Variants in FAS observed in about 807,000 individuals in gnomAD.
The protein encoded by FAS is Fas cell surface death receptor, also known as tumor necrosis factor receptor superfamily member 6.
A neutral mutation model predicts 33.2 loss-of-function variants in FAS; 5 were observed. The ratio of observed to expected loss-of-function variants is 0.15; its 90% CI spans 0.08 to 0.32. FAS has a LOEUF of 0.32. Ranked by LOEUF, FAS falls within the 10% of genes least tolerant of loss-of-function variation. The pLI is 1.00. For missense variants in FAS, 339 were observed against 386.0 expected (o/e 0.88, Z 1.02); for synonymous variants, 131 against 130.7 (o/e 1.00, Z -0.01).
At chr10:88,989,641 C>T (rs1739157875), upstream of FAS, 1 of 507,370 alleles carries the variant, frequency 2.0e-6, no homozygotes, top group Non-Finnish European at 3.9e-6. Context: ...GGTAACCTAA[C>T]CTAGATTTGA....
intron 1 of FAS, among the ~76,000 whole-genome samples, chr10:88,971,810 G>A (rs1402859681): frequency 6.6e-6 from 1 of 152,126 alleles, no homozygotes; most frequent in Non-Finnish European, 1.5e-5. Flanking sequence ...TGTTCAGAGG[G>A]TGATGCTCTG....
chr10:88,991,715 G>A (rs1380668301), intron 1 of FAS: 1 of 152,238 alleles, frequency 6.6e-6, no homozygotes, highest in Admixed American at 6.5e-5. Context: ...CACTCCCATG[G>A]TGATTTCTGC....
At chr10:88,994,574 T>G (rs1847468714) in intron 1 of FAS, among the ~76,000 whole-genome samples, 1 of 152,088 alleles carries the variant, frequency 6.6e-6, no homozygotes, top group Non-Finnish European at 1.5e-5. Flanking sequence ...AAAAACTACA[T>G]TTATACTTTA....
At chr10:88,987,763 G>A (rs973373240), upstream of FAS, among the ~76,000 whole-genome samples, 1 of 152,128 alleles carries the variant, frequency 6.6e-6, no homozygotes, top group Non-Finnish European at 1.5e-5. Context: ...CCACTGTGAT[G>A]GTTAATTTTA....
At chr10:89,010,481 A>T in intron 4 of FAS, 58 bp from the exon 5 acceptor site, 1 of 1,472,552 alleles carries the variant, frequency 6.8e-7, no homozygotes, top group South Asian at 1.1e-5. Context: ...TGCCATTGAA[A>T]ATTATAAAGG....
intron 2 of FAS, among the ~76,000 whole-genome samples, chr10:88,976,619 A>G (rs972436791): frequency 2.0e-5 from 3 of 152,236 alleles, no homozygotes; most frequent in Non-Finnish European, 4.4e-5. Flanking sequence ...TGTACCCTGA[A>G]CATAATCAGC....
intron 1 of FAS, among the ~76,000 whole-genome samples, chr10:88,993,054 C>A (rs908350345): frequency 5.9e-5 from 9 of 152,166 alleles, no homozygotes; most frequent in African/African-American, 2.2e-4. Flanking sequence ...CCCCTCTTCC[C>A]CTAGTCCTCT....
chr10:88,969,146 T>A (rs1418728670), intron 1 of FAS, among the ~76,000 whole-genome samples: 1 of 152,134 alleles, frequency 6.6e-6, no homozygotes, highest in Admixed American at 6.6e-5. Flanking sequence ...AGGATCTTGA[T>A]TATTGAGGCA....
chr10:89,003,271 A>G (rs950181427), intron 2 of FAS, 77 bp downstream of exon 2: 3 of 1,550,654 alleles, frequency 1.9e-6, no homozygotes, highest in Non-Finnish European at 2.7e-6. Context: ...TGACTATAAT[A>G]ATTTTACAGT....
chr10:88,965,021 C>T (rs953546393), intron 1 of FAS, among the ~76,000 whole-genome samples: 4 of 152,068 alleles, frequency 2.6e-5, no homozygotes, highest in Non-Finnish European at 2.9e-5. Context: ...TTTCCAGAGC[C>T]GGGGATAGCT....
chr10:88,997,676 G>T (rs926158724), intron 1 of FAS, among the ~76,000 whole-genome samples: 2 of 152,148 alleles, frequency 1.3e-5, no homozygotes, highest in Non-Finnish European at 2.9e-5. Flanking sequence ...ATATATTAGA[G>T]ATGCATTATC....
chr10:88,998,670 C>T (rs1847743987), intron 1 of FAS, among the ~76,000 whole-genome samples: 1 of 152,182 alleles, frequency 6.6e-6, no homozygotes, highest in Admixed American at 6.5e-5. Context: ...TTGCTAGATG[C>T]ATGACTGTGG....
chr10:89,003,737 C>A (rs1490666155), intron 2 of FAS, among the ~76,000 whole-genome samples: 3 of 152,002 alleles, frequency 2.0e-5, no homozygotes, highest in Non-Finnish European at 4.4e-5. Flanking sequence ...CTTTGAAGGG[C>A]AAACTAATTT....
At chr10:88,995,336 T>C (rs368440697) in intron 1 of FAS, among the ~76,000 whole-genome samples, 2 of 152,294 alleles carry the variant, frequency 1.3e-5, no homozygotes, top group East Asian at 3.9e-4. Context: ...TTTTGTAAGA[T>C]TGGTAACTTC....
chr10:89,016,620 T>C lies in FAS; in HGVS notation c.*2170T>C, dbSNP rs1014354860. ...GTGGCCCCAAGCATGACTTCTCCCATGTCAATGAGCACAGCCACATTCCCG... is the reference window on the plus strand; with the variant it reads ...GTGGCCCCAAGCATGACTTCTCCCACGTCAATGAGCACAGCCACATTCCCG... On this transcript the variant is annotated 3_prime_UTR_variant, in exon 9 of 9. Coordinates refer to ENST00000652046, the MANE Select transcript of FAS (RefSeq NM_000043.6). 2 of 223,370 alleles carry C rather than the reference T, an allele frequency of 9.0e-6. No homozygotes were observed. Among genetic ancestry groups the C allele is most frequent in the Admixed American group, 1.1e-4 (2 of 17,392 alleles). The allele number at this position is 223,370 out of a possible 1,614,324, so 13.8% of individuals were successfully genotyped here.
chr10:88,984,962 G>T (rs893771930), upstream of FAS, among the ~76,000 whole-genome samples: 1 of 152,196 alleles, frequency 6.6e-6, no homozygotes, highest in African/African-American at 2.4e-5. Flanking sequence ...AGCCTAGTGA[G>T]GAGGAAAGCA....
At position 89,008,979 on chromosome 10, in the gene FAS, A is replaced by C; in HGVS notation, c.425A>C (p.His142Pro). Reference sequence around the variant, plus strand: ...TTTTGTAACTCTACTGTATGTGAACACTGTGACCCTTGCACCAAGTAAGTT... The same window carrying C: ...TTTTGTAACTCTACTGTATGTGAACCCTGTGACCCTTGCACCAAGTAAGTT... The part of the protein sequence containing the change: ...NFFCNSTVCE[H>P]CDPCTKCEHG... The change falls in exon 4 of 9, where the codon CAC becomes CCC. Residue 142 changes from histidine to proline, a missense_variant. By Grantham distance (77) the His-to-Pro change is moderately conservative. This residue lies in a region of FAS where 276 missense variants were observed against 300.1 expected (regional missense o/e 0.92). Coordinates refer to ENST00000652046, the MANE Select transcript of FAS (RefSeq NM_000043.6). 1 of 1,613,670 alleles carries C rather than the reference A, an allele frequency of 6.2e-7. No homozygotes were observed. The highest frequency in any genetic ancestry group is 8.5e-7 in the Non-Finnish European group (1 of 1,179,544).
chr10:89,012,787 G>A (rs2133544115), intron 7 of FAS: 1 of 153,702 alleles, frequency 6.5e-6, no homozygotes, highest in East Asian at 1.9e-4. Context: ...AACTTTCTCT[G>A]GCTGCCGGTT....
chr10:88,983,549 G>T (rs953844589), upstream of FAS, among the ~76,000 whole-genome samples: 1 of 119,782 alleles, frequency 8.3e-6, no homozygotes, highest in African/African-American at 3.1e-5. Flanking sequence ...TATAAAATAG[G>T]ATGGTAACAG....
Sources: gnomAD v4.1 joint callset for allele counts (sites outside exome capture counted in the v4.1 genomes callset) on GRCh38, gnomAD v4.1.1 for gene constraint, gnomAD v4.1.1 regional missense constraint, MANE v1.5 for transcripts, NCBI Gene and HGNC (gene_info 2026-07-23, HGNC 2026-07-21) for gene names.